MYO16: variants seen among roughly 807,000 people sequenced by gnomAD.
MYO16 encodes the protein myosin XVI.
In MYO16, 94 loss-of-function variants were observed where a neutral mutation model predicts 205.3. The observed-to-expected ratio is 0.46, with a 90% CI of 0.39 to 0.54. The LOEUF (loss-of-function observed/expected upper bound fraction) is 0.54, where lower values mean the gene tolerates loss of function less well. MYO16 is among the 20% of genes least tolerant of loss of function. MYO16 has a pLI of 0.00. For synonymous variants in MYO16, 988 were observed against 954.0 expected, an observed-to-expected ratio of 1.04 and a Z score of -0.66; for missense variants, 2,315 against 2,387.5, an observed-to-expected ratio of 0.97 and a Z score of 0.63.
At chr13:108,945,552 A>G (rs1322551045) in intron 16 of MYO16, among the ~76,000 whole-genome samples, 1 of 152,104 alleles carries the variant, frequency 6.6e-6, no homozygotes, top group Admixed American at 6.5e-5. Flanking sequence ...CCACATTTCT[A>G]TTCTTTTTTT....
chr13:108,707,001 C>G (rs1228760488), intron 2 of MYO16, among the ~76,000 whole-genome samples: 1 of 152,114 alleles, frequency 6.6e-6, no homozygotes, highest in African/African-American at 2.4e-5. Flanking sequence ...CATGCCCAGC[C>G]CTCATGGGTC....
chr13:108,916,947 A>G (rs1881519299), intron 16 of MYO16, among the ~76,000 whole-genome samples: 2 of 152,164 alleles, frequency 1.3e-5, no homozygotes, highest in African/African-American at 4.8e-5. Flanking sequence ...TAACACATTT[A>G]AAGAAAAAAG....
chr13:108,770,983 T>C (rs1885943141), intron 4 of MYO16, among the ~76,000 whole-genome samples: 1 of 152,230 alleles, frequency 6.6e-6, no homozygotes, highest in African/African-American at 2.4e-5. Flanking sequence ...AGTGGATACT[T>C]GTAAACCTCT....
intron 15 of MYO16, among the ~76,000 whole-genome samples, chr13:108,904,822 A>C (rs1037045543): frequency 4.6e-5 from 7 of 152,128 alleles, no homozygotes; most frequent in African/African-American, 1.7e-4. Context: ...GTTCCTGGAA[A>C]GGGAATGACA....
rs1008443617 is a variant in MYO16, at chr13:108,860,850, C to T, written c.1359+5297C>T. On this transcript the variant is annotated intron_variant, in intron 11 of 34. Coordinates refer to ENST00000457511, the MANE Select transcript of MYO16 (RefSeq NM_001198950.3). The stretch of plus-strand genomic sequence containing the variant: ...CCAAAACTATAAAAACCCAGGAAGA[C>T]AACCTAGGCAGTACCATTCTGGACA... 5.3e-5 allele frequency among the ~76,000 whole-genome samples: 8 copies of T among 152,210 alleles called. No homozygotes were observed. In the South Asian group the frequency reaches 8.3e-4, roughly 16 times the overall value.
At chr13:108,909,794 A>G (rs536354664) in intron 15 of MYO16, among the ~76,000 whole-genome samples, 2 of 152,286 alleles carry the variant, frequency 1.3e-5, no homozygotes, top group South Asian at 4.1e-4. Context: ...GATATGGGAC[A>G]AGGAAGGATG....
chr13:108,976,004 C>T (rs1398670906), intron 20 of MYO16, among the ~76,000 whole-genome samples: 1 of 152,078 alleles, frequency 6.6e-6, no homozygotes, highest in Admixed American at 6.6e-5. Context: ...TCACCCTTAA[C>T]ATTCCAGGAA....
chr13:109,125,094 A>T lies in MYO16; in HGVS notation c.3536-18A>T, dbSNP rs1183042058. The T allele has an allele frequency of 1.2e-6, 2 of 1,613,332 alleles. No individual in the cohort carries two copies. The highest frequency in any genetic ancestry group is 1.7e-6 in the Non-Finnish European group (2 of 1,179,550). On this transcript the variant is annotated intron_variant, in intron 29 of 34. Coordinates refer to ENST00000457511, the MANE Select transcript of MYO16 (RefSeq NM_001198950.3). This position sits in a 1 kb window ranked among gnomAD's most constrained non-coding sequence, Gnocchi z 4.0. ...TCACTTTTCCTCCATTTACTAACCC[A>T]TGATCCTTCTATAAAAGTTATCAGA...
chr13:109,119,221 T>A (rs867010615), intron 28 of MYO16, among the ~76,000 whole-genome samples: 3 of 152,210 alleles, frequency 2.0e-5, no homozygotes, highest in African/African-American at 7.2e-5. Flanking sequence ...TACCTGATGA[T>A]GTGTACACAC....
At chr13:108,528,572 CCCTCCCCTCCCCTT>C in the MYO16 span, among the ~76,000 whole-genome samples, 2 of 119,334 alleles carry the variant, frequency 1.7e-5, no homozygotes, top group African/African-American at 3.4e-5. Context: ...CTCTCCTCTC[CCCTCCCCTCCCCTT>C]TCCCCTCCTC....
intron 21 of MYO16, among the ~76,000 whole-genome samples, chr13:109,006,981 G>A (rs944501434): frequency 6.6e-6 from 1 of 152,128 alleles, no homozygotes; most frequent in Admixed American, 6.5e-5. Context: ...GTGTCCCGGA[G>A]GAGAGGGGAG....
chr13:108,982,231 C>G (rs1268910222), intron 20 of MYO16, among the ~76,000 whole-genome samples: 1 of 152,210 alleles, frequency 6.6e-6, no homozygotes, highest in African/African-American at 2.4e-5. Context: ...TAGATTATAC[C>G]TGCTCTTGCC....
chr13:108,518,623 G>A, the MYO16 span, among the ~76,000 whole-genome samples: 1 of 152,162 alleles, frequency 6.6e-6, no homozygotes, highest in Admixed American at 6.5e-5. Context: ...CATGCGTAAT[G>A]TGACTTAGAC....
At chr13:109,085,436 A>T (rs1188858074) in intron 27 of MYO16, among the ~76,000 whole-genome samples, 1 of 152,186 alleles carries the variant, frequency 6.6e-6, no homozygotes, top group African/African-American at 2.4e-5. Context: ...GTCTGCAGGT[A>T]GGGAGGCGGA....
chr13:108,986,174 G>A (rs1047335836), intron 20 of MYO16, among the ~76,000 whole-genome samples: 16 of 152,156 alleles, frequency 1.1e-4, no homozygotes, highest in African/African-American at 3.9e-4. Flanking sequence ...TACCTCCCAA[G>A]GGGTCCTTCC....
At chr13:109,038,300 A>G (rs2139572654) in intron 23 of MYO16, among the ~76,000 whole-genome samples, 1 of 152,238 alleles carries the variant, frequency 6.6e-6, no homozygotes, top group Admixed American at 6.5e-5. Flanking sequence ...CAGTAGACTG[A>G]TTAAGCTGTT....
At chr13:108,878,384 G>A (rs998221944) in intron 12 of MYO16, among the ~76,000 whole-genome samples, 4 of 152,112 alleles carry the variant, frequency 2.6e-5, no homozygotes, top group African/African-American at 9.7e-5. Flanking sequence ...AGGGATGGTT[G>A]GAGAGGAGAT....
intron 7 of MYO16, among the ~76,000 whole-genome samples, chr13:108,816,897 A>G (rs1357100034): frequency 6.6e-6 from 1 of 152,254 alleles, no homozygotes; most frequent in Non-Finnish European, 1.5e-5. Flanking sequence ...TAAACAATGC[A>G]GTAATAAATG....
At chr13:108,640,239 T>C (rs926525380) in intron 1 of MYO16, among the ~76,000 whole-genome samples, 23 of 152,160 alleles carry the variant, frequency 1.5e-4, no homozygotes, top group African/African-American at 5.6e-4. Flanking sequence ...TAACACTGTT[T>C]CAAGAGGCAG....
Sources: gnomAD v4.1 joint callset for allele counts (sites outside exome capture counted in the v4.1 genomes callset) on GRCh38, gnomAD v4.1.1 for gene constraint, Gnocchi (gnomAD v3.1) non-coding constraint, MANE v1.5 for transcripts, NCBI Gene and HGNC (gene_info 2026-07-23, HGNC 2026-07-21) for gene names.